Variants in ODAD1 observed in about 807,000 individuals in gnomAD.
ODAD1 encodes the protein outer dynein arm docking complex subunit 1.
A neutral mutation model predicts 67.2 loss-of-function variants in ODAD1; 49 were observed. The observed-to-expected ratio is 0.73, with a 90% CI of 0.58 to 0.92. The LOEUF (loss-of-function observed/expected upper bound fraction) is 0.92. Among genes scored for constraint, ODAD1 ranks in the 40% least tolerant of loss-of-function variants. The probability of loss-of-function intolerance (pLI) is 0.00; values close to 1 mark genes in which losing one functional copy is unlikely to be tolerated. For missense variants in ODAD1, 897 were observed against 953.7 expected (o/e 0.94, Z 0.78); for synonymous variants, 345 against 393.7 (o/e 0.88, Z 1.46).
intron 10 of ODAD1, chr19:48,303,335 A>G: frequency 1.6e-6 from 1 of 612,160 alleles, no homozygotes; most frequent in Non-Finnish European, 2.9e-6. Flanking sequence ...GAGACTCGGC[A>G]ATAGCAAGGG....
chr19:48,320,404 A>T lies in ODAD1; in HGVS notation c.-23-13T>A. 1 of 1,272,028 alleles carries T rather than the reference A, an allele frequency of 7.9e-7. No homozygotes were observed. The highest frequency in any genetic ancestry group is 1.0e-6 in the Non-Finnish European group (1 of 977,016). The allele number at this position is 1,272,028 out of a possible 1,614,324, so 78.8% of individuals were successfully genotyped here. On this transcript the variant is annotated splice_polypyrimidine_tract_variant and intron_variant, in intron 2 of 15. Coordinates refer to ENST00000674294, the MANE Select transcript of ODAD1 (RefSeq NM_001364171.2). Reference sequence around the variant, plus strand: ...CAGGGTGGGGCTCCTGTAGGGATGGACATATAAGACCCTTCAGACAGCAGG... The same window carrying T: ...CAGGGTGGGGCTCCTGTAGGGATGGTCATATAAGACCCTTCAGACAGCAGG...
intron 6 of ODAD1, 30 bp from the exon 7 acceptor site, chr19:48,311,696 G>A: frequency 7.5e-7 from 1 of 1,333,700 alleles, no homozygotes; most frequent in Non-Finnish European, 1.1e-6. Context: ...TGGAAGAGTG[G>A]GTCTGAAGCC....
intron 1 of ODAD1, 110 bp downstream of exon 1, chr19:48,321,568 C>CCGGTGGAAGGG (rs1668939025): frequency 2.8e-6 from 1 of 352,520 alleles, no homozygotes; most frequent in South Asian, 1.5e-4. Context: ...TACGAGGGGC[C>CCGGTGGAAGGG]CGGTGGAAGG....
Position 48,311,625 on chromosome 19 carries a change from G to A in ODAD1, c.525C>T (p.Ala175=). 6.4e-7 allele frequency: 1 copy of A among 1,551,264 alleles called. No individual in the cohort carries two copies. Among genetic ancestry groups the A allele is most frequent in the Non-Finnish European group, 8.7e-7 (1 of 1,146,682 alleles). The part of the protein sequence containing the change: ...HFDNQLVRNA[A]LREELDLLRI... ...GCAGCAGATCCAGCTCCTCCCGCAGGGCCGCATTCCGTACCAGCTGGTTGT... is the reference window on the plus strand; with the variant it reads ...GCAGCAGATCCAGCTCCTCCCGCAGAGCCGCATTCCGTACCAGCTGGTTGT... Residue 175 remains alanine (A), a synonymous_variant, in exon 7 of 16, where the codon GCC becomes GCT. Coordinates refer to ENST00000674294, the MANE Select transcript of ODAD1 (RefSeq NM_001364171.2).
Position 48,321,674 on chromosome 19 carries a change from G to T in ODAD1, c.-64+4C>A, listed in dbSNP as rs529053583. On this transcript the variant is annotated splice_donor_region_variant and intron_variant, in intron 1 of 15. Coordinates refer to ENST00000674294, the MANE Select transcript of ODAD1 (RefSeq NM_001364171.2). ...GGAGGTCGAGGCTGAGGTCTCACTA[G>T]TACCGCGGGCCTGGAAGCGGCGGGA... 131 of 390,726 alleles carry T rather than the reference G, an allele frequency of 3.4e-4. 1 individual carries two copies. The East Asian group carries it at 4.7e-3, about 14-fold the overall frequency. 24.2% of individuals were successfully genotyped at this position (390,726 alleles called of 1,614,324 possible). A position where few individuals can be genotyped will look rare whatever the true frequency, so the allele number is the denominator to read the frequency against.
chr19:48,297,763 TC>T, intron 14 of ODAD1, 95 bp from the exon 15 acceptor site: 1 of 1,135,778 alleles, frequency 8.8e-7, no homozygotes, highest in Non-Finnish European at 1.2e-6. Context: ...TCAGCCATTC[TC>T]CCACCAGCCC....
At chr19:48,314,706 C>T (rs190477403) in intron 5 of ODAD1, among the ~76,000 whole-genome samples, 9 of 151,916 alleles carry the variant, frequency 5.9e-5, no homozygotes, top group African/African-American at 1.7e-4. Context: ...TTTGAGAGGC[C>T]GAGGCGAGTG....
chr19:48,318,481 C>G lies in ODAD1; in HGVS notation c.266G>C (p.Arg89Pro), dbSNP rs58966182. The change falls in exon 5 of 16, where the codon CGG becomes CCG. Residue 89 changes from arginine (R) to proline (P), a missense_variant. Physicochemically the swap from Arg to Pro is moderately radical, Grantham distance 103. Coordinates refer to ENST00000674294, the MANE Select transcript of ODAD1 (RefSeq NM_001364171.2). ...CAGCAGGCGGTCCATGTTCTCCAGCCGCTGACTGTCCCGAAGCCGCTTGAC... is the reference window on the plus strand; with the variant it reads ...CAGCAGGCGGTCCATGTTCTCCAGCGGCTGACTGTCCCGAAGCCGCTTGAC... ...NQVKRLRDSQ[R>P]LENMDRLLKG... is the part of the protein sequence containing the mutation. The G allele has an allele frequency of 1.0e-3, 1,621 of 1,551,646 alleles. 29 individuals carry two copies. In the East Asian group the frequency reaches 0.033, roughly 32 times the overall value.
chr19:48,297,270 G>C lies in ODAD1; in HGVS notation c.1830C>G (p.Pro610=), dbSNP rs1182200255. The C allele has an allele frequency of 1.2e-6, 2 of 1,613,956 alleles. No individual in the cohort carries two copies. Among genetic ancestry groups the C allele is most frequent in the African/African-American group, 2.7e-5 (2 of 74,932 alleles). The change falls in exon 16 of 16, where the codon CCC becomes CCG. Residue 610 remains proline (P), a synonymous_variant. Transcript: ENST00000674294. Reference sequence around the variant, plus strand: ...TGGGGTCACCGTGCGTGATGTGGCTGGGCAAATGCCCAGTGCTGGAGCTGA... The same window carrying C: ...TGGGGTCACCGTGCGTGATGTGGCTCGGCAAATGCCCAGTGCTGGAGCTGA... ...GGLSSSTGHL[P]SHITHGDPNT...
intron 12 of ODAD1, among the ~76,000 whole-genome samples, chr19:48,299,410 C>CA (rs1177457186): frequency 2.6e-5 from 4 of 151,630 alleles, no homozygotes; most frequent in East Asian, 1.9e-4. Flanking sequence ...GATTCCATCT[C>CA]AAAAAAACAA....
chr19:48,297,735 TG>T lies in ODAD1; in HGVS notation c.1503-68del, dbSNP rs1968341559. The T allele has an allele frequency of 9.3e-6, 12 of 1,285,036 alleles. No homozygotes were observed. The South Asian group carries it at 1.3e-4, about 14-fold the overall frequency. 79.6% of individuals were successfully genotyped at this position (1,285,036 alleles called of 1,614,324 possible). On this transcript the variant is annotated intron_variant, in intron 14 of 15. Coordinates refer to ENST00000674294, the MANE Select transcript of ODAD1 (RefSeq NM_001364171.2). ...CCTCAAAAAGGCCAGCGGCCCTTCC[TG>T]CTAAACCCCGGGAGCCTCAGCCATT...
chr19:48,297,057 G>A lies in ODAD1; in HGVS notation c.2043C>T (p.Ser681=), dbSNP rs1274716521. 1 of 1,612,808 alleles carries A rather than the reference G, an allele frequency of 6.2e-7. No homozygotes were observed. The highest frequency in any genetic ancestry group is 8.5e-7 in the Non-Finnish European group (1 of 1,179,614). ...CGGTGCTGGAGACGTGGTCTCTGCT[G>A]GACCCGAGGCCTCCGCTCGAATCAG... ...TASDSSGGLG[S]SRDHVSSTGP... The change falls in exon 16 of 16, where the codon TCC becomes TCT. Residue 681 remains serine, a synonymous_variant. Coordinates refer to ENST00000674294, the MANE Select transcript of ODAD1 (RefSeq NM_001364171.2).
At chr19:48,309,636 A>T (rs1223729827) in intron 7 of ODAD1, among the ~76,000 whole-genome samples, 1 of 152,194 alleles carries the variant, frequency 6.6e-6, no homozygotes, top group East Asian at 1.9e-4. Flanking sequence ...GGGCAAAGGC[A>T]CCACTGGCCA....
At chr19:48,299,583 C>G (rs931497465) in intron 12 of ODAD1, among the ~76,000 whole-genome samples, 3 of 151,984 alleles carry the variant, frequency 2.0e-5, no homozygotes, top group African/African-American at 7.3e-5. Flanking sequence ...GCGGGTGGAT[C>G]ACCTCAAGTC....
intron 12 of ODAD1, among the ~76,000 whole-genome samples, chr19:48,300,669 A>G (rs1371640360): frequency 6.6e-5 from 10 of 152,208 alleles, no homozygotes; most frequent in Non-Finnish European, 1.0e-4. Context: ...ACTCAGTTAT[A>G]GCAAGACAAA....
Position 48,321,672 on chromosome 19 carries a change from T to A in ODAD1, c.-64+6A>T, listed in dbSNP as rs1290997107. 9 of 387,274 alleles carry A rather than the reference T, an allele frequency of 2.3e-5. No individual in the cohort carries two copies. In the Admixed American group the frequency reaches 3.1e-4, roughly 14 times the overall value. 24.0% of individuals were successfully genotyped at this position (387,274 alleles called of 1,614,324 possible). On this transcript the variant is annotated splice_donor_region_variant and intron_variant, in intron 1 of 15. Transcript: ENST00000674294. ...GGGGAGGTCGAGGCTGAGGTCTCACTAGTACCGCGGGCCTGGAAGCGGCGG... is the reference window on the plus strand; with the variant it reads ...GGGGAGGTCGAGGCTGAGGTCTCACAAGTACCGCGGGCCTGGAAGCGGCGG...
chr19:48,297,300 G>A lies in ODAD1; in HGVS notation c.1800C>T (p.Gly600=), dbSNP rs570425201. 54 of 1,613,704 alleles carry A rather than the reference G, an allele frequency of 3.3e-5. No individual in the cohort carries two copies. The highest frequency in any genetic ancestry group is 5.0e-5 in the Admixed American group (3 of 60,026). Residue 600 remains glycine (G), a synonymous_variant, in exon 16 of 16, where the codon GGC becomes GGT. Coordinates refer to ENST00000674294, the MANE Select transcript of ODAD1 (RefSeq NM_001364171.2). Reference sequence around the variant, plus strand: ...AATGCCCAGTGCTGGAGCTGAGGCCGCCAAAAGTGACGTGGCCAAGAGAGC... The same window carrying A: ...AATGCCCAGTGCTGGAGCTGAGGCCACCAAAAGTGACGTGGCCAAGAGAGC... ...DRGSLGHVTF[G]GLSSSTGHLP... is the part of the protein sequence containing the mutation.
Position 48,302,698 on chromosome 19 carries a change from C to T in ODAD1, c.1236G>A (p.Lys412=). ...QDVRGQLEKL[K]ADIQLLFTKA... is the part of the protein sequence containing the mutation. ...GGGGCGCCCATGGGTGCTCACCAGC[C>T]TTGAGCTTCTCCAGCTGTCCCCGCA... Residue 412 remains lysine, a synonymous_variant, in exon 12 of 16, where the codon AAG becomes AAA. Coordinates refer to ENST00000674294, the MANE Select transcript of ODAD1 (RefSeq NM_001364171.2). The T allele has an allele frequency of 1.2e-6, 2 of 1,609,598 alleles. No individual in the cohort carries two copies. The highest frequency in any genetic ancestry group is 1.7e-6 in the Non-Finnish European group (2 of 1,179,696).
chr19:48,318,333 G>A, intron 5 of ODAD1, 54 bp downstream of exon 5: 1 of 1,463,530 alleles, frequency 6.8e-7, no homozygotes, highest in East Asian at 2.5e-5. Context: ...GGCTCAGGGA[G>A]GTTACAACAC....
Sources: allele counts gnomAD v4.1 joint callset (sites outside exome capture counted in the v4.1 genomes callset), GRCh38; gene constraint gnomAD v4.1.1; transcripts MANE v1.5; gene names NCBI Gene and HGNC (gene_info 2026-07-23, HGNC 2026-07-21).